UGT1A10: variants seen among roughly 807,000 people sequenced by gnomAD.
UGT1A10 encodes the protein UDP glucuronosyltransferase family 1 member A10.
In UGT1A10, 49 loss-of-function variants were observed where a neutral mutation model predicts 45.8. The observed-to-expected ratio is 1.07, with a 90% CI of 0.85 to 1.36. UGT1A10 has a LOEUF of 1.36. Ranked by LOEUF, UGT1A10 falls within the 40% of genes most tolerant of loss-of-function variation. UGT1A10 has a pLI of 0.00. For synonymous variants in UGT1A10, 284 were observed against 249.7 expected (o/e 1.14, Z -1.29); for missense variants, 745 against 668.6 (o/e 1.11, Z -1.26).
chr2:233,747,923 G>C (rs1349241680), intron 1 of UGT1A10: 11 of 1,613,296 alleles, frequency 6.8e-6, no homozygotes, highest in Non-Finnish European at 8.5e-6. Flanking sequence ...TTGCCTCTGA[G>C]CTTTTTCAGA....
intron 1 of UGT1A10, among the ~76,000 whole-genome samples, chr2:233,676,457 ACAACTCATTCAC>A (rs1320843255): frequency 1.3e-5 from 2 of 152,218 alleles, no homozygotes; most frequent in African/African-American, 4.8e-5. Flanking sequence ...CACATCCATC[ACAACTCATTCAC>A]CAATATTGAC....
chr2:233,740,218 G>C (rs908803369), intron 1 of UGT1A10, among the ~76,000 whole-genome samples: 7 of 151,840 alleles, frequency 4.6e-5, no homozygotes, highest in Non-Finnish European at 8.8e-5. Flanking sequence ...AGTCTCAGCT[G>C]CGTCTTTATA....
chr2:233,768,319 G>T lies in UGT1A10; in HGVS notation c.1175G>T (p.Gly392Val), dbSNP rs367897068. 5.0e-6 allele frequency: 8 copies of T among 1,614,044 alleles called. No homozygotes were observed. Among genetic ancestry groups the T allele is most frequent in the South Asian group, 1.1e-5 (1 of 91,084 alleles). The change falls in exon 4 of 5, where the codon GGT becomes GTT. Residue 392 changes from glycine to valine, a missense_variant. Gly to Val is a moderately radical substitution (Grantham distance 109, BLOSUM62 -3). Transcript: ENST00000344644. The stretch of plus-strand genomic sequence containing the variant: ...CCCATGGTGATGATGCCCTTGTTTG[G>T]TGATCAGATGGACAATGCAAAGCGC... ...GVPMVMMPLFGDQMDNAKRME... is the reference protein window; with the variant it reads ...GVPMVMMPLFVDQMDNAKRME...
intron 1 of UGT1A10, among the ~76,000 whole-genome samples, chr2:233,733,833 G>A (rs1195470780): frequency 2.6e-5 from 4 of 152,136 alleles, no homozygotes; most frequent in African/African-American, 4.8e-5. Flanking sequence ...ATGAGTTAGG[G>A]AGGATTCCCT....
chr2:233,744,892 C>T (rs28900378), intron 1 of UGT1A10, among the ~76,000 whole-genome samples: 4,281 of 151,940 alleles, frequency 0.028, 301 homozygotes, highest in African/African-American at 0.097. Context: ...ACCCTCCTCT[C>T]CATACCAAAA....
At chr2:233,734,182 A>C (rs1380375014) in intron 1 of UGT1A10, among the ~76,000 whole-genome samples, 2 of 152,146 alleles carry the variant, frequency 1.3e-5, no homozygotes, top group African/African-American at 4.8e-5. Context: ...TAGGCTATTA[A>C]TTATTGCCTC....
intron 1 of UGT1A10, among the ~76,000 whole-genome samples, chr2:233,678,550 C>G (rs967249273): frequency 2.0e-5 from 3 of 152,102 alleles, no homozygotes; most frequent in Admixed American, 6.5e-5. Context: ...TTTAAAAATG[C>G]TTTTATACAG....
At chr2:233,728,928 C>G (rs545859432) in intron 1 of UGT1A10, among the ~76,000 whole-genome samples, 4,928 of 152,196 alleles carry the variant, frequency 0.032, 259 homozygotes, top group African/African-American at 0.11. Context: ...TAGTCATGAT[C>G]GGTCTTTTCC....
At chr2:233,744,237 T>A (rs1220461600) in intron 1 of UGT1A10, among the ~76,000 whole-genome samples, 1 of 151,784 alleles carries the variant, frequency 6.6e-6, no homozygotes, top group African/African-American at 2.4e-5. Context: ...GGGCCTTGAC[T>A]TTGGCTGCCT....
chr2:233,703,941 A>G (rs2075759906), intron 1 of UGT1A10, among the ~76,000 whole-genome samples: 1 of 151,570 alleles, frequency 6.6e-6, no homozygotes, highest in African/African-American at 2.4e-5. Context: ...CCCAGACTGG[A>G]GTGCAGTGGT....
chr2:233,728,472 C>A (rs778651891), intron 1 of UGT1A10, among the ~76,000 whole-genome samples: 1 of 152,182 alleles, frequency 6.6e-6, no homozygotes, highest in African/African-American at 2.4e-5. Context: ...TCCCAAGAAT[C>A]TGATCATCAC....
In UGT1A10 at chr2:233,769,590, G is replaced by A; in HGVS notation, c.1295+1151G>A. On this transcript the variant is annotated intron_variant, in intron 4 of 4. Coordinates refer to ENST00000344644, the MANE Select transcript of UGT1A10 (RefSeq NM_019075.4). This position sits in a 1 kb window ranked among gnomAD's most constrained non-coding sequence, Gnocchi z 4.4. Reference sequence around the variant, plus strand: ...GCTGGAGCATGTTCAGATGAGAGGAGACGGAACACGGGGACACACCAGCTT... The same window carrying A: ...GCTGGAGCATGTTCAGATGAGAGGAAACGGAACACGGGGACACACCAGCTT... 6.2e-7 allele frequency: 1 copy of A among 1,612,882 alleles called. No individual in the cohort carries two copies. Among genetic ancestry groups the A allele is most frequent in the African/African-American group, 1.3e-5 (1 of 75,046 alleles).
At position 233,672,103 on chromosome 2, in the gene UGT1A10, G is replaced by A. The variant is rs767768121; in HGVS notation, c.855+34726G>A. The A allele has an allele frequency of 5.3e-5, 85 of 1,614,178 alleles. 2 individuals carry two copies. In the South Asian group the frequency reaches 8.9e-4, roughly 17 times the overall value. Reference sequence around the variant, plus strand: ...CATTCTCAGGGGGCATGAGGTGGTTGTAGTCATGCCAGAGGTGAGTTGGCA... The same window carrying A: ...CATTCTCAGGGGGCATGAGGTGGTTATAGTCATGCCAGAGGTGAGTTGGCA... On this transcript the variant is annotated intron_variant, in intron 1 of 4. Coordinates refer to ENST00000344644, the MANE Select transcript of UGT1A10 (RefSeq NM_019075.4).
At chr2:233,659,407 G>A (rs2073922138) in intron 1 of UGT1A10, among the ~76,000 whole-genome samples, 1 of 152,104 alleles carries the variant, frequency 6.6e-6, no homozygotes, top group South Asian at 2.1e-4. Flanking sequence ...CTGTATTATT[G>A]TAATAAAGTC....
intron 1 of UGT1A10, chr2:233,743,038 A>G (rs968490640): frequency 1.2e-4 from 34 of 283,020 alleles, no homozygotes; most frequent in Non-Finnish European, 2.1e-5. Context: ...CAGAGGTCCT[A>G]TCCGTGTAGT....
intron 1 of UGT1A10, among the ~76,000 whole-genome samples, chr2:233,748,278 A>T (rs1303548000): frequency 2.6e-5 from 4 of 151,752 alleles, no homozygotes; most frequent in Non-Finnish European, 5.9e-5. Flanking sequence ...TGAGAGGAAG[A>T]AGAGGCAGAC....
Position 233,772,391 on chromosome 2 carries a change from C to T in UGT1A10, c.1425C>T (p.Ala475=), listed in dbSNP as rs1559420304. 6.2e-7 allele frequency: 1 copy of T among 1,614,114 alleles called. No individual in the cohort carries two copies. Among genetic ancestry groups the T allele is most frequent in the Non-Finnish European group, 8.5e-7 (1 of 1,180,052 alleles). The change falls in exon 5 of 5, where the codon GCC becomes GCT. Residue 475 remains alanine (A), a synonymous_variant. Coordinates refer to ENST00000344644, the MANE Select transcript of UGT1A10 (RefSeq NM_019075.4). ...HKGAPHLRPA[A]HDLTWYQYHS... is the part of the protein sequence containing the mutation. ...GCGCGCCACACCTGCGCCCCGCAGCCCACGACCTCACCTGGTACCAGTACC... is the reference window on the plus strand; with the variant it reads ...GCGCGCCACACCTGCGCCCCGCAGCTCACGACCTCACCTGGTACCAGTACC...
intron 1 of UGT1A10, among the ~76,000 whole-genome samples, chr2:233,709,348 T>A (rs1575490597): frequency 1.3e-5 from 2 of 152,346 alleles, no homozygotes; most frequent in South Asian, 2.1e-4. Flanking sequence ...ATAAACCTAT[T>A]ACTATATAGA....
Position 233,760,303 on chromosome 2 carries a change from C to T in UGT1A10, c.856-6731C>T, listed in dbSNP as rs2125982207. ...CAAAGGCGCCATGGCTGTGGAGTCC[C>T]AGGGCGGACGCCCACTTGTCCTGGG... On this transcript the variant is annotated intron_variant, in intron 1 of 4. Coordinates refer to ENST00000344644, the MANE Select transcript of UGT1A10 (RefSeq NM_019075.4). 2 of 1,613,696 alleles carry T rather than the reference C, an allele frequency of 1.2e-6. No individual in the cohort carries two copies. Among genetic ancestry groups the T allele is most frequent in the South Asian group, 1.1e-5 (1 of 91,060 alleles).
Sources: gnomAD v4.1 joint callset for allele counts (sites outside exome capture counted in the v4.1 genomes callset) on GRCh38, gnomAD v4.1.1 for gene constraint, Gnocchi (gnomAD v3.1) non-coding constraint, MANE v1.5 for transcripts, NCBI Gene and HGNC (gene_info 2026-07-23, HGNC 2026-07-21) for gene names.